The following ELOVL4 variants were observed in gnomAD, a reference collection of about 807,000 sequenced individuals.
ELOVL4 encodes the protein very long chain fatty acid elongase 4.
ELOVL4 carries 18 observed loss-of-function variants against 42.1 expected under a neutral mutation model. That is an observed-to-expected ratio of 0.43 (90% CI 0.30 to 0.63). The LOEUF (loss-of-function observed/expected upper bound fraction) is 0.63. Among genes scored for constraint, ELOVL4 ranks in the 30% least tolerant of loss-of-function variants. ELOVL4 has a pLI of 0.15. For missense variants in ELOVL4, 299 were observed against 376.2 expected (o/e 0.79, Z 1.70); for synonymous variants, 117 against 127.0 (o/e 0.92, Z 0.53).
At chr6:79,935,299 A>T (rs1774524467) in intron 1 of ELOVL4, among the ~76,000 whole-genome samples, 1 of 152,142 alleles carries the variant, frequency 6.6e-6, no homozygotes, top group Non-Finnish European at 1.5e-5. Flanking sequence ...GATCTCCACC[A>T]GTCAGAATGA....
intron 1 of ELOVL4, among the ~76,000 whole-genome samples, chr6:79,946,416 C>A (rs769065961): frequency 1.0e-3 from 157 of 152,228 alleles, no homozygotes; most frequent in Non-Finnish European, 1.8e-3. Flanking sequence ...GATTTAAGAA[C>A]TGTATATATG....
intron 1 of ELOVL4, among the ~76,000 whole-genome samples, chr6:79,945,617 A>C (rs930704489): frequency 6.6e-6 from 1 of 152,100 alleles, no homozygotes; most frequent in African/African-American, 2.4e-5. Flanking sequence ...TCTGACTCCT[A>C]GGTGTGCGAA....
chr6:79,946,127 A>C (rs1230855701), intron 1 of ELOVL4, among the ~76,000 whole-genome samples: 1 of 152,230 alleles, frequency 6.6e-6, no homozygotes, highest in African/African-American at 2.4e-5. Context: ...GCAGAGTCAT[A>C]AGATGGAACG....
chr6:79,927,047 G>T (rs1774356461), intron 1 of ELOVL4, among the ~76,000 whole-genome samples: 1 of 151,964 alleles, frequency 6.6e-6, no homozygotes, highest in Admixed American at 6.6e-5. Context: ...GCTGTAAATC[G>T]CATAACTTAC....
In ELOVL4 at chr6:79,916,787, T is replaced by C. The variant is rs775476015; in HGVS notation, c.766A>G (p.Ile256Val). Reference sequence around the variant, plus strand: ...TTAAGAAAGAGAAATATGAAGCTGATTGCATAGGCAATTAGAGCCCAGTGC... The same window carrying C: ...TTAAGAAAGAGAAATATGAAGCTGACTGCATAGGCAATTAGAGCCCAGTGC... ...WMHWALIAYA[I>V]SFIFLFLNFY... is the part of the protein sequence containing the mutation. Residue 256 changes from isoleucine (I) to valine (V), a missense_variant, in exon 6 of 6, where the codon ATC becomes GTC. Coordinates refer to ENST00000369816, the MANE Select transcript of ELOVL4 (RefSeq NM_022726.4). 6 of 1,614,222 alleles carry C rather than the reference T, an allele frequency of 3.7e-6. No homozygotes were observed. Among genetic ancestry groups the C allele is most frequent in the African/African-American group, 1.3e-5 (1 of 75,058 alleles).
intron 1 of ELOVL4, among the ~76,000 whole-genome samples, chr6:79,945,494 T>C (rs2127703117): frequency 6.6e-6 from 1 of 152,302 alleles, no homozygotes; most frequent in East Asian, 1.9e-4. Context: ...GCCCTCAATT[T>C]TTCCTTCTGA....
Position 79,916,210 on chromosome 6 carries a change from G to T in ELOVL4, c.*398C>A. 1 of 207,598 alleles carries T rather than the reference G, an allele frequency of 4.8e-6. No homozygotes were observed. The highest frequency in any genetic ancestry group is 8.1e-5 in the South Asian group (1 of 12,386). The allele number at this position is 207,598 out of a possible 1,614,324, so 12.9% of individuals were successfully genotyped here. On this transcript the variant is annotated 3_prime_UTR_variant, in exon 6 of 6. Coordinates refer to ENST00000369816, the MANE Select transcript of ELOVL4 (RefSeq NM_022726.4). ...ACCACTGATTTCAGTCAGTAGATAAGATAATTAGTAATTTATCAAAATAAT... is the reference window on the plus strand; with the variant it reads ...ACCACTGATTTCAGTCAGTAGATAATATAATTAGTAATTTATCAAAATAAT...
In ELOVL4 at chr6:79,947,075, C is replaced by A. The variant is rs1031882279; in HGVS notation, c.100+105G>T. 1.6e-5 allele frequency: 15 copies of A among 936,814 alleles called. No individual in the cohort carries two copies. The African/African-American group carries it at 2.1e-4, about 13-fold the overall frequency. 58.0% of individuals were successfully genotyped at this position (936,814 alleles called of 1,614,324 possible). On this transcript the variant is annotated intron_variant, in intron 1 of 5. Coordinates refer to ENST00000369816, the MANE Select transcript of ELOVL4 (RefSeq NM_022726.4). ...CCGCTGATCCGCAGCATCCGAAAGC[C>A]GCAGGGCGCGGGGGCCTGTGGGGCC... is the stretch of plus-strand genomic sequence containing the variant.
At chr6:79,935,622 T>TAATA (rs1017904270) in intron 1 of ELOVL4, among the ~76,000 whole-genome samples, 4 of 152,180 alleles carry the variant, frequency 2.6e-5, no homozygotes, top group Non-Finnish European at 5.9e-5. Flanking sequence ...GTGAAGGTGA[T>TAATA]AATAAGATTA....
chr6:79,939,318 AC>A (rs1774600842), intron 1 of ELOVL4, among the ~76,000 whole-genome samples: 1 of 152,136 alleles, frequency 6.6e-6, no homozygotes, highest in African/African-American at 2.4e-5. Flanking sequence ...CATAAAATAT[AC>A]CATCTTAATC....
At position 79,916,531 on chromosome 6, in the gene ELOVL4, G is replaced by T; in HGVS notation, c.*77C>A. ...TCTCCCCACCCCCAAGCTCTCCTTT[G>T]CTTCTGTTTTCCCTGAAATTTTATA... On this transcript the variant is annotated 3_prime_UTR_variant, in exon 6 of 6. Coordinates refer to ENST00000369816, the MANE Select transcript of ELOVL4 (RefSeq NM_022726.4). 1 of 1,573,166 alleles carries T rather than the reference G, an allele frequency of 6.4e-7. No homozygotes were observed. The highest frequency in any genetic ancestry group is 8.7e-7 in the Non-Finnish European group (1 of 1,147,106).
In ELOVL4 at chr6:79,932,406, G is replaced by T. The variant is rs145869247; in HGVS notation, c.101-6025C>A. Among the ~76,000 whole-genome samples the T allele has an allele frequency of 4.7e-3, 709 of 152,076 alleles. 8 individuals are homozygous for T. Among genetic ancestry groups the T allele is most frequent in the African/African-American group, 0.016 (674 of 41,486 alleles). ...AAATACAAAAAAAATTTAGCTGGGCGTGGTGGTGTGCGCCTGTAATCCCAG... is the reference window on the plus strand; with the variant it reads ...AAATACAAAAAAAATTTAGCTGGGCTTGGTGGTGTGCGCCTGTAATCCCAG... On this transcript the variant is annotated intron_variant, in intron 1 of 5. Coordinates refer to ENST00000369816, the MANE Select transcript of ELOVL4 (RefSeq NM_022726.4).
chr6:79,916,994 G>A, intron 5 of ELOVL4, 111 bp from the exon 6 acceptor site: 1 of 1,241,114 alleles, frequency 8.1e-7, no homozygotes. Context: ...GCCACACTGT[G>A]CAAAATTTAT....
intron 1 of ELOVL4, among the ~76,000 whole-genome samples, chr6:79,942,023 G>A (rs1774655548): frequency 6.6e-6 from 1 of 152,198 alleles, no homozygotes. Flanking sequence ...AACAAGAAAG[G>A]CTTTGCAAAG....
intron 1 of ELOVL4, 70 bp downstream of exon 1, chr6:79,947,110 A>G: frequency 1.6e-6 from 2 of 1,284,042 alleles, no homozygotes; most frequent in Admixed American, 1.9e-5. Context: ...CGGGCCCGGG[A>G]GCTGCGAGAC....
intron 1 of ELOVL4, among the ~76,000 whole-genome samples, chr6:79,928,683 G>C (rs796430284): frequency 5.0e-5 from 7 of 141,292 alleles, no homozygotes; most frequent in African/African-American, 1.9e-4. Flanking sequence ...AGAGGCATCA[G>C]AGAAAGCACA....
Position 79,945,379 on chromosome 6 carries a change from G to A in ELOVL4, c.100+1801C>T, listed in dbSNP as rs1471399254. The stretch of plus-strand genomic sequence containing the variant: ...AGCCTAGTAGCAAGCTTTCACATGC[G>A]GCAACTGCACAAAATTTCCTGTTTC... On this transcript the variant is annotated intron_variant, in intron 1 of 5. Coordinates refer to ENST00000369816, the MANE Select transcript of ELOVL4 (RefSeq NM_022726.4). 2.6e-5 allele frequency among the ~76,000 whole-genome samples: 4 copies of A among 152,176 alleles called. No individual in the cohort carries two copies. In the South Asian group the frequency reaches 6.2e-4, roughly 24 times the overall value.
intron 1 of ELOVL4, among the ~76,000 whole-genome samples, chr6:79,929,211 G>A (rs1391077000): frequency 6.6e-6 from 1 of 151,974 alleles, no homozygotes; most frequent in Non-Finnish European, 1.5e-5. Context: ...TTTTGAGACA[G>A]TGGGTCAGAT....
At chr6:79,946,614 G>A (rs1334236465) in intron 1 of ELOVL4, among the ~76,000 whole-genome samples, 1 of 152,182 alleles carries the variant, frequency 6.6e-6, no homozygotes, top group African/African-American at 2.4e-5. Context: ...CAAGGTTCAA[G>A]GAGCCAAACA....
Sources: gnomAD v4.1 joint callset for allele counts (sites outside exome capture counted in the v4.1 genomes callset) on GRCh38, gnomAD v4.1.1 for gene constraint, MANE v1.5 for transcripts, NCBI Gene and HGNC (gene_info 2026-07-23, HGNC 2026-07-21) for gene names.